The following KCNQ5 variants were observed in gnomAD, a reference collection of about 807,000 sequenced individuals.
The protein encoded by KCNQ5 is potassium voltage-gated channel subfamily Q member 5.
In KCNQ5, 30 loss-of-function variants were observed where a neutral mutation model predicts 98.2. The observed-to-expected ratio is 0.31, with a 90% CI of 0.23 to 0.41. KCNQ5 has a LOEUF of 0.41. Ranked by LOEUF, KCNQ5 falls within the 10% of genes least tolerant of loss-of-function variation. KCNQ5 has a pLI of 1.00. For missense variants in KCNQ5, 835 were observed against 1,182.5 expected (o/e 0.71, Z 4.31); for synonymous variants, 458 against 449.4 (o/e 1.02, Z -0.24).
chr6:73,160,295 C>CGTGA (rs1172494296), intron 10 of KCNQ5, among the ~76,000 whole-genome samples: 1 of 152,138 alleles, frequency 6.6e-6, no homozygotes, highest in East Asian at 1.9e-4. Flanking sequence ...GGATTACAGG[C>CGTGA]GTGAGCCACC....
chr6:72,795,165 AG>A (rs1472389836), intron 1 of KCNQ5, among the ~76,000 whole-genome samples: 2 of 152,208 alleles, frequency 1.3e-5, no homozygotes, highest in African/African-American at 4.8e-5. Flanking sequence ...AATTAAAAAA[AG>A]GGGGGAGTGC....
chr6:72,967,379 C>CA (rs758937370), intron 1 of KCNQ5, among the ~76,000 whole-genome samples: 2 of 151,720 alleles, frequency 1.3e-5, no homozygotes, highest in African/African-American at 4.8e-5. Context: ...ATCTTAAAGA[C>CA]AAAAAAATAT....
At chr6:72,900,288 T>C (rs1017863036) in intron 1 of KCNQ5, among the ~76,000 whole-genome samples, 1 of 151,230 alleles carries the variant, frequency 6.6e-6, no homozygotes, top group Admixed American at 6.6e-5. Flanking sequence ...GTGAATTCAT[T>C]CCTTCTTATG....
chr6:72,691,924 G>A (rs937104185), intron 1 of KCNQ5, among the ~76,000 whole-genome samples: 3 of 152,154 alleles, frequency 2.0e-5, no homozygotes, highest in African/African-American at 7.2e-5. Context: ...TATGCTATTT[G>A]GACAACTTGT....
At chr6:72,755,771 T>G (rs981932535) in intron 1 of KCNQ5, among the ~76,000 whole-genome samples, 5 of 152,228 alleles carry the variant, frequency 3.3e-5, no homozygotes, top group African/African-American at 1.2e-4. Context: ...ATCCTTTATA[T>G]GTACCTTTAT....
chr6:72,655,018 G>A (rs1450535154), intron 1 of KCNQ5, among the ~76,000 whole-genome samples: 1 of 90,594 alleles, frequency 1.1e-5, no homozygotes, highest in Admixed American at 1.2e-4. Flanking sequence ...AATAGCCAAG[G>A]TCTGTCTGTC....
intron 10 of KCNQ5, among the ~76,000 whole-genome samples, chr6:73,152,934 T>C (rs1334980868): frequency 6.6e-6 from 1 of 152,202 alleles, no homozygotes; most frequent in Admixed American, 6.5e-5. Context: ...GATCACTTAA[T>C]ACCCCAGCTT....
At chr6:72,870,455 T>C (rs1351771154) in intron 1 of KCNQ5, among the ~76,000 whole-genome samples, 1 of 152,076 alleles carries the variant, frequency 6.6e-6, no homozygotes, top group Non-Finnish European at 1.5e-5. Flanking sequence ...TTCGCCATGT[T>C]GTCCAGGCTG....
chr6:72,655,060 CTTT>C (rs1565060417), intron 1 of KCNQ5, among the ~76,000 whole-genome samples: 2 of 149,082 alleles, frequency 1.3e-5, no homozygotes, highest in Non-Finnish European at 3.0e-5. Flanking sequence ...TTCTTTCTTT[CTTT>C]CTTTCTTTCT....
intron 10 of KCNQ5, among the ~76,000 whole-genome samples, chr6:73,142,938 T>C (rs1582436708): frequency 6.6e-6 from 1 of 152,066 alleles, no homozygotes; most frequent in Middle Eastern, 3.4e-3. Context: ...AATAAATAAA[T>C]TGAGGGAGCA....
chr6:73,096,336 C>A (rs368183322), intron 5 of KCNQ5, among the ~76,000 whole-genome samples: 247 of 115,210 alleles, frequency 2.1e-3, no homozygotes, highest in South Asian at 3.3e-3. Flanking sequence ...GGTCCTTAGG[C>A]AAAAAAAAAA....
Position 73,064,465 on chromosome 6 carries a change from G to A in KCNQ5, c.617-12857G>A, listed in dbSNP as rs193200896. On this transcript the variant is annotated intron_variant, in intron 3 of 13. Transcript: ENST00000370398. The stretch of plus-strand genomic sequence containing the variant: ...TATCCAAGCATGGAATTTCATCATA[G>A]GATGTTGGGATTTCCAGCAGATGTT... Among the ~76,000 whole-genome samples the A allele has an allele frequency of 3.8e-3, 579 of 152,170 alleles. 2 individuals are homozygous for A. The highest frequency in any genetic ancestry group is 6.9e-3 in the Non-Finnish European group (466 of 68,010).
chr6:73,147,059 T>C (rs925139024), intron 10 of KCNQ5, among the ~76,000 whole-genome samples: 8 of 152,036 alleles, frequency 5.3e-5, no homozygotes, highest in African/African-American at 1.9e-4. Context: ...GGTTTTGGAG[T>C]AAAACAGAAC....
Position 72,636,873 on chromosome 6 carries a change from A to G in KCNQ5, c.398+14286A>G, listed in dbSNP as rs902339995. Reference sequence around the variant, plus strand: ...GGCCTTTCTCCAGTGGCATTTAGCTATTGCTCCTTTTGAAGGGATTTACAA... The same window carrying G: ...GGCCTTTCTCCAGTGGCATTTAGCTGTTGCTCCTTTTGAAGGGATTTACAA... On this transcript the variant is annotated intron_variant, in intron 1 of 13. Transcript: ENST00000370398. 4.6e-5 allele frequency among the ~76,000 whole-genome samples: 7 copies of G among 152,316 alleles called. No homozygotes were observed. In the East Asian group the frequency reaches 1.4e-3, roughly 29 times the overall value.
At chr6:73,082,212 C>G (rs1203701771) in intron 5 of KCNQ5, among the ~76,000 whole-genome samples, 6 of 152,174 alleles carry the variant, frequency 3.9e-5, no homozygotes, top group African/African-American at 1.4e-4. Flanking sequence ...GCCTTGTTAC[C>G]CTGCAGCCTG....
intron 1 of KCNQ5, among the ~76,000 whole-genome samples, chr6:72,909,778 T>A (rs1413403508): frequency 7.5e-4 from 114 of 152,302 alleles, no homozygotes; most frequent in African/African-American, 2.7e-3. Flanking sequence ...TCTGGGAGAT[T>A]TCTAAATTAA....
chr6:72,831,529 T>C (rs1237799806), intron 1 of KCNQ5, among the ~76,000 whole-genome samples: 2 of 136,418 alleles, frequency 1.5e-5, no homozygotes, highest in East Asian at 2.1e-4. Context: ...AAATGACCAA[T>C]GAGAACACTT....
intron 1 of KCNQ5, among the ~76,000 whole-genome samples, chr6:72,972,445 A>C (rs188798934): frequency 1.3e-5 from 2 of 151,990 alleles, no homozygotes; most frequent in Admixed American, 1.3e-4. Flanking sequence ...TATGTGTGCC[A>C]TGGTGGTTTG....
In KCNQ5 at chr6:72,734,307, C is replaced by T. The variant is rs1770708202; in HGVS notation, c.398+111720C>T. 3.3e-5 allele frequency among the ~76,000 whole-genome samples: 5 copies of T among 149,632 alleles called. No homozygotes were observed. In the South Asian group the frequency reaches 1.1e-3, roughly 32 times the overall value. On this transcript the variant is annotated intron_variant, in intron 1 of 13. Coordinates refer to ENST00000370398, the MANE Select transcript of KCNQ5 (RefSeq NM_019842.4). ...CAAATTTTTTAAACATGTTCAATAA[C>T]TAGTTTTTGTTTGTTTGTTTGTTTG...
Sources: allele counts gnomAD v4.1 joint callset (sites outside exome capture counted in the v4.1 genomes callset), GRCh38; gene constraint gnomAD v4.1.1; transcripts MANE v1.5; gene names NCBI Gene and HGNC (gene_info 2026-07-23, HGNC 2026-07-21).